Variants in SIM2 observed in about 807,000 individuals in gnomAD.
The protein encoded by SIM2 is single-minded homolog 2.
A neutral mutation model predicts 64.8 loss-of-function variants in SIM2; 28 were observed. The ratio of observed to expected loss-of-function variants is 0.43; its 90% confidence interval spans 0.32 to 0.59. SIM2 has a LOEUF of 0.59. Ranked by LOEUF, SIM2 falls within the 20% of genes least tolerant of loss-of-function variation. The pLI, the probability that SIM2 is intolerant of heterozygous loss-of-function variation, is 0.07. For missense variants in SIM2, 847 were observed against 871.4 expected (o/e 0.97, Z 0.35); for synonymous variants, 408 against 391.1 (o/e 1.04, Z -0.51).
At chr21:36,733,328 A>T (rs958949598) in intron 7 of SIM2, among the ~76,000 whole-genome samples, 5 of 151,382 alleles carry the variant, frequency 3.3e-5, no homozygotes, top group Non-Finnish European at 5.9e-5. Context: ...GGGTTCAAGC[A>T]ATTCTCGTGT....
At chr21:36,702,920 C>T (rs935517914) in intron 1 of SIM2, among the ~76,000 whole-genome samples, 11 of 130,572 alleles carry the variant, frequency 8.4e-5, no homozygotes, top group African/African-American at 3.2e-4. Flanking sequence ...ATCTAGAGAC[C>T]AGCTTAGGAC....
At position 36,715,881 on chromosome 21, in the gene SIM2, C is replaced by T. The variant is rs190158909; in HGVS notation, c.348+3259C>T. On this transcript the variant is annotated intron_variant, in intron 3 of 10. Transcript: ENST00000290399. ...AACAAGTGTTGAAATAAATCTGCTT[C>T]GTATGGCAGAGCTAAAATTTTAGTT... 1.2e-3 allele frequency among the ~76,000 whole-genome samples: 188 copies of T among 152,174 alleles called. 1 individual carries two copies. The highest frequency in any genetic ancestry group is 4.1e-3 in the African/African-American group (171 of 41,484).
At chr21:36,727,751 C>T (rs1237997223) in intron 6 of SIM2, among the ~76,000 whole-genome samples, 1 of 152,134 alleles carries the variant, frequency 6.6e-6, no homozygotes, top group Non-Finnish European at 1.5e-5. Context: ...TCTGTATGTC[C>T]AGAAGCCAGG....
intron 4 of SIM2, among the ~76,000 whole-genome samples, chr21:36,721,101 G>A (rs1432910534): frequency 3.3e-5 from 5 of 152,196 alleles, no homozygotes; most frequent in Admixed American, 3.3e-4. Context: ...CTTGCAGACA[G>A]TTCTGTGGCC....
chr21:36,732,776 A>G (rs911901147), intron 7 of SIM2, among the ~76,000 whole-genome samples: 6 of 152,202 alleles, frequency 3.9e-5, no homozygotes, highest in African/African-American at 1.4e-4. Context: ...TGTCACTAAT[A>G]TGGGAGCTAG....
intron 7 of SIM2, among the ~76,000 whole-genome samples, chr21:36,735,805 A>G (rs1458423422): frequency 1.3e-5 from 2 of 152,162 alleles, no homozygotes; most frequent in African/African-American, 4.8e-5. Flanking sequence ...ATAGCTGCAG[A>G]GGCCGACTTG....
In SIM2 at chr21:36,699,498, G is replaced by C. The variant is rs1460416483; in HGVS notation, c.-249G>C. The C allele has an allele frequency of 1.6e-5, 5 of 313,874 alleles. No individual in the cohort carries two copies. The highest frequency in any genetic ancestry group is 2.9e-5 in the Non-Finnish European group (5 of 173,898). 19.4% of individuals were successfully genotyped at this position (313,874 alleles called of 1,614,324 possible). ...AACGGGGCTCCGGTTGCTGCAGGAC[G>C]GTCCAGCCCGGAGGAGGCTGCGCTC... On this transcript the variant is annotated 5_prime_UTR_variant, in exon 1 of 11. Transcript: ENST00000290399. This position sits in a 1 kb window ranked among gnomAD's most constrained non-coding sequence, Gnocchi z 5.6.
intron 1 of SIM2, among the ~76,000 whole-genome samples, chr21:36,703,210 T>A (rs544077613): frequency 2.0e-5 from 3 of 152,294 alleles, no homozygotes; most frequent in African/African-American, 4.8e-5. Context: ...GGTCCCTGTG[T>A]GCAAGGCAGA....
chr21:36,719,987 T>C (rs1226986411), intron 4 of SIM2, 58 bp downstream of exon 4: 2 of 1,225,630 alleles, frequency 1.6e-6, no homozygotes, highest in Admixed American at 1.7e-5. Context: ...CATTCTTAAA[T>C]GGAACTCAGG....
At chr21:36,739,353 C>T (rs909251333) in intron 7 of SIM2, among the ~76,000 whole-genome samples, 1 of 152,144 alleles carries the variant, frequency 6.6e-6, no homozygotes, top group Non-Finnish European at 1.5e-5. Context: ...AGTGTATGCA[C>T]GTGCCCACTT....
rs767285576 is a variant in SIM2 at position 36,744,898 on chromosome 21, C to T, written c.1338C>T (p.His446=). 9 of 1,614,134 alleles carry T rather than the reference C, an allele frequency of 5.6e-6. No homozygotes were observed. The highest frequency in any genetic ancestry group is 4.5e-5 in the East Asian group (2 of 44,898). Residue 446 remains histidine, a synonymous_variant, in exon 10 of 11, where the codon CAC becomes CAT. Coordinates refer to ENST00000290399, the MANE Select transcript of SIM2 (RefSeq NM_005069.6). ...TGCCCTTCTCCTACCATTACGGACA[C>T]TTCCCTCTGGACTCTCACGTCTTCA... ...YSLPFSYHYG[H]FPLDSHVFSS...
Position 36,709,230 on chromosome 21 carries a change from C to G in SIM2, c.238C>G (p.Leu80Val). The change falls in exon 2 of 11, where the codon CTG becomes GTG. Residue 80 changes from leucine to valine, a missense_variant. Leu to Val is a conservative substitution (Grantham distance 32). Coordinates refer to ENST00000290399, the MANE Select transcript of SIM2 (RefSeq NM_005069.6). ...GCCCCTGGACGGCGTCGCCAAGGAG[C>G]TGGGATCGCACTTGCTGCAGGTAGA... ...AGPLDGVAKE[L>V]GSHLLQTLDG... 1 of 1,607,958 alleles carries G rather than the reference C, an allele frequency of 6.2e-7. No homozygotes were observed. The highest frequency in any genetic ancestry group is 8.5e-7 in the Non-Finnish European group (1 of 1,177,546).
rs945309850 is a variant in SIM2 at position 36,749,012 on chromosome 21, T to G, written c.*920T>G. ...GCAATACGGAACACTGTCAATGGACTGCACCTTGTGAAGGAAAAACATGCT... is the reference window on the plus strand; with the variant it reads ...GCAATACGGAACACTGTCAATGGACGGCACCTTGTGAAGGAAAAACATGCT... On this transcript the variant is annotated 3_prime_UTR_variant, in exon 11 of 11. Coordinates refer to ENST00000290399, the MANE Select transcript of SIM2 (RefSeq NM_005069.6). 1 of 152,666 alleles carries G rather than the reference T, an allele frequency of 6.6e-6. No individual in the cohort carries two copies. The highest frequency in any genetic ancestry group is 2.4e-5 in the African/African-American group (1 of 41,468). The allele number at this position is 152,666 out of a possible 1,614,324, so 9.5% of individuals were successfully genotyped here.
intron 5 of SIM2, 98 bp downstream of exon 5, chr21:36,723,228 C>T (rs1329181581): frequency 3.3e-5 from 31 of 933,882 alleles, no homozygotes; most frequent in Middle Eastern, 3.0e-4. Flanking sequence ...AGCACAAACT[C>T]GTCATCCCCA....
chr21:36,744,977 T>C lies in SIM2; in HGVS notation c.1417T>C (p.Cys473Arg). ...GTTCGGGCAGCCCCAAGGATCCCCT[T>C]GTGAGGTGGCACGCTTTTTCCTGAG... ...AKFGQPQGSP[C>R]EVARFFLSTL... The change falls in exon 10 of 11, where the codon TGT becomes CGT. Residue 473 changes from cysteine to arginine, a missense_variant. Coordinates refer to ENST00000290399, the MANE Select transcript of SIM2 (RefSeq NM_005069.6). 6.2e-7 allele frequency: 1 copy of C among 1,614,254 alleles called. No homozygotes were observed. Among genetic ancestry groups the C allele is most frequent in the Non-Finnish European group, 8.5e-7 (1 of 1,180,048 alleles).
chr21:36,720,123 T>C, intron 4 of SIM2, 194 bp downstream of exon 4: 1 of 578,498 alleles, frequency 1.7e-6, no homozygotes, highest in South Asian at 2.1e-5. Context: ...TTTAAGCCAA[T>C]ATTCATCAAG....
chr21:36,744,597 T>C (rs2089204938), intron 9 of SIM2, 131 bp from the exon 10 acceptor site: 8 of 1,140,742 alleles, frequency 7.0e-6, no homozygotes, highest in African/African-American at 1.6e-5. Context: ...CAGTGGGACC[T>C]TGCAGTGGTG....
rs201446421 is a variant in SIM2, at chr21:36,707,691, G to A, written c.176-1477G>A. On this transcript the variant is annotated intron_variant, in intron 1 of 10. Coordinates refer to ENST00000290399, the MANE Select transcript of SIM2 (RefSeq NM_005069.6). ...TGCATTTTACGCTTCCAGAGGTCGAGGCCTCCAGAGACCGCGATGCCCAGG... is the reference window on the plus strand; with the variant it reads ...TGCATTTTACGCTTCCAGAGGTCGAAGCCTCCAGAGACCGCGATGCCCAGG... Among the ~76,000 whole-genome samples, 17 of 152,110 alleles carry A rather than the reference G, an allele frequency of 1.1e-4. No individual in the cohort carries two copies. The East Asian group carries it at 2.1e-3, about 19-fold the overall frequency.
At chr21:36,709,287 G>A (rs779032912) in intron 2 of SIM2, 37 bp downstream of exon 2, 4 of 1,508,552 alleles carry the variant, frequency 2.7e-6, no homozygotes, top group South Asian at 2.4e-5. Context: ...CGCAGCCGCC[G>A]CAGGCTCCCT....
Sources: gnomAD v4.1 joint callset for allele counts (sites outside exome capture counted in the v4.1 genomes callset) on GRCh38, gnomAD v4.1.1 for gene constraint, Gnocchi (gnomAD v3.1) non-coding constraint, MANE v1.5 for transcripts, NCBI Gene and HGNC (gene_info 2026-07-23, HGNC 2026-07-21) for gene names.